CELF2: variants seen among roughly 807,000 people sequenced by gnomAD.
CELF2 encodes CUG triplet repeat RNA-binding protein 2.
A neutral mutation model predicts 62.6 loss-of-function variants in CELF2; 8 were observed. The ratio of observed to expected loss-of-function variants is 0.13; its 90% CI spans 0.07 to 0.23. The LOEUF is 0.23. CELF2 is among the 10% of genes least tolerant of loss of function. The pLI is 1.00. For missense variants in CELF2, 333 were observed against 671.0 expected (o/e 0.50, Z 5.56); for synonymous variants, 258 against 250.0 (o/e 1.03, Z -0.30).
chr10:11,251,606 ATTT>A (rs1188678256), intron 4 of CELF2, among the ~76,000 whole-genome samples: 4 of 152,100 alleles, frequency 2.6e-5, no homozygotes, highest in African/African-American at 9.7e-5. Flanking sequence ...AGAAGCCTGG[ATTT>A]GACCCGACTC....
the CELF2 span, among the ~76,000 whole-genome samples, chr10:10,741,291 T>C: frequency 6.6e-6 from 1 of 151,940 alleles, no homozygotes. Flanking sequence ...GGCAGGCAGA[T>C]CACGATGTCA....
chr10:10,632,195 T>G, the CELF2 span, among the ~76,000 whole-genome samples: 1 of 152,186 alleles, frequency 6.6e-6, no homozygotes, highest in Non-Finnish European at 1.5e-5. Flanking sequence ...ATTTCTAGAT[T>G]TAAATCTGAT....
rs78779663 is a variant in CELF2 at position 11,005,635 on chromosome 10, G to A, written c.53+195G>A. Among the ~76,000 whole-genome samples the A allele has an allele frequency of 1.6e-3, 244 of 152,276 alleles. 6 individuals are homozygous for A. The East Asian group carries it at 0.024, about 15-fold the overall frequency. The stretch of plus-strand genomic sequence containing the variant: ...AAGAGAGAGCCAGCGAGAGAAAGGC[G>A]GAGGACTGCCGTGAATTCTATTTGT... On this transcript the variant is annotated intron_variant, in intron 1 of 12. Coordinates refer to the CELF2 transcript ENST00000416382. The surrounding 1 kb of genome is among the most constrained non-coding windows in gnomAD (Gnocchi z 4.3).
At chr10:10,685,184 C>A in the CELF2 span, among the ~76,000 whole-genome samples, 2 of 152,174 alleles carry the variant, frequency 1.3e-5, no homozygotes, top group Non-Finnish European at 2.9e-5. Context: ...GTATACAGAG[C>A]GGCTCAGATT....
At chr10:11,213,108 G>A (rs1180771362) in intron 2 of CELF2, among the ~76,000 whole-genome samples, 6 of 95,912 alleles carry the variant, frequency 6.3e-5, no homozygotes, top group African/African-American at 1.2e-4. Context: ...AACATGGAGC[G>A]AGGCCTCTCA....
chr10:11,284,790 G>A (rs1023611928), intron 8 of CELF2, among the ~76,000 whole-genome samples: 3 of 150,890 alleles, frequency 2.0e-5, no homozygotes, highest in African/African-American at 7.3e-5. Context: ...GATGGATGGT[G>A]GATGGATGGT....
chr10:10,618,064 G>A, the CELF2 span, among the ~76,000 whole-genome samples: 1 of 151,880 alleles, frequency 6.6e-6, no homozygotes, highest in Non-Finnish European at 1.5e-5. Flanking sequence ...CACCCCCAGG[G>A]CTGTGACCTT....
chr10:10,851,731 A>G (rs1234425338), intron 1 of CELF2, among the ~76,000 whole-genome samples: 1 of 152,232 alleles, frequency 6.6e-6, no homozygotes, highest in Non-Finnish European at 1.5e-5. Context: ...AATACGTACA[A>G]GGAACTCTCA....
At chr10:10,955,942 C>G (rs2048841115) in intron 2 of CELF2, among the ~76,000 whole-genome samples, 1 of 152,148 alleles carries the variant, frequency 6.6e-6, no homozygotes. Context: ...AAACACTAAC[C>G]CGAGCCCCCT....
At chr10:10,850,147 T>C (rs1403634071) in intron 1 of CELF2, among the ~76,000 whole-genome samples, 1 of 151,808 alleles carries the variant, frequency 6.6e-6, no homozygotes, top group Non-Finnish European at 1.5e-5. Context: ...AGACTCCATC[T>C]CAAAAATAAA....
chr10:10,757,723 A>G, the CELF2 span, among the ~76,000 whole-genome samples: 230 of 152,324 alleles, frequency 1.5e-3, 1 homozygote, highest in Middle Eastern at 3.4e-3. Flanking sequence ...TTGGATCTAC[A>G]CCTGTGGCTT....
At chr10:10,845,357 G>C (rs983167700) in intron 1 of CELF2, among the ~76,000 whole-genome samples, 8 of 149,408 alleles carry the variant, frequency 5.4e-5, no homozygotes, top group African/African-American at 2.0e-4. Flanking sequence ...ACTGGGAGCT[G>C]TTTTGGCAAA....
rs562262733 is a variant in CELF2 at position 10,967,233 on chromosome 10, C to T, written c.89+47234C>T. On this transcript the variant is annotated intron_variant, in intron 2 of 13. Transcript: ENST00000636488. The stretch of plus-strand genomic sequence containing the variant: ...ATTTGCTTTATTTGAACAGTTTGAA[C>T]AGGTGACCGCCTGGGATTGGGCTGA... Among the ~76,000 whole-genome samples, 17 of 152,280 alleles carry T rather than the reference C, an allele frequency of 1.1e-4. No homozygotes were observed. The East Asian group carries it at 2.5e-3, about 22-fold the overall frequency.
At chr10:11,037,640 C>T (rs1043128264) in intron 1 of CELF2, among the ~76,000 whole-genome samples, 1 of 152,114 alleles carries the variant, frequency 6.6e-6, no homozygotes, top group African/African-American at 2.4e-5. Flanking sequence ...ACAAACCCCA[C>T]TAAGGTTTCT....
the CELF2 span, among the ~76,000 whole-genome samples, chr10:10,772,919 CA>C: frequency 6.6e-6 from 1 of 152,180 alleles, no homozygotes; most frequent in Non-Finnish European, 1.5e-5. Flanking sequence ...AGCTCTAGGC[CA>C]GAGAAATGTT....
chr10:11,259,912 A>G (rs900568227), intron 5 of CELF2, among the ~76,000 whole-genome samples: 1 of 152,198 alleles, frequency 6.6e-6, no homozygotes, highest in African/African-American at 2.4e-5. Flanking sequence ...TAGTAGTTAG[A>G]ATCCCTGTTA....
chr10:10,604,980 A>G, the CELF2 span, among the ~76,000 whole-genome samples: 1 of 152,242 alleles, frequency 6.6e-6, no homozygotes. Context: ...ATTTATGTTC[A>G]TCGCAGCACT....
rs1387557822 is a variant in CELF2, at chr10:11,178,225, C to T, written c.271+12543C>T. Among the ~76,000 whole-genome samples the T allele has an allele frequency of 6.6e-6, 1 of 152,240 alleles. No homozygotes were observed. The highest frequency in any genetic ancestry group is 2.1e-4 in the South Asian group (1 of 4,836). ...GCCAACCGGGCTGCTGAGTGTGATG[C>T]TCCCTTTGTGAAGTGGACATCTGTC... is the stretch of plus-strand genomic sequence containing the variant. On this transcript the variant is annotated intron_variant, in intron 2 of 12. Coordinates refer to ENST00000633077, the MANE Select transcript of CELF2 (RefSeq NM_001326342.2). This position sits in a 1 kb window ranked among gnomAD's most constrained non-coding sequence, Gnocchi z 4.3.
intron 1 of CELF2, among the ~76,000 whole-genome samples, chr10:11,043,018 C>T (rs1439875408): frequency 6.6e-6 from 1 of 152,150 alleles, no homozygotes. Context: ...TATTTTTAAT[C>T]CTCCTGTGTA....
Sources: allele counts gnomAD v4.1 joint callset (sites outside exome capture counted in the v4.1 genomes callset), GRCh38; gene constraint gnomAD v4.1.1; non-coding constraint Gnocchi (gnomAD v3.1); transcripts MANE v1.5; gene names NCBI Gene and HGNC (gene_info 2026-07-23, HGNC 2026-07-21).